The following BRSK2 variants were observed in gnomAD, a reference collection of about 807,000 sequenced individuals.
BRSK2 encodes BR serine/threonine kinase 2, also known as serine/threonine-protein kinase BRSK2.
In BRSK2, 19 loss-of-function variants were observed where a neutral mutation model predicts 83.3. The ratio of observed to expected loss-of-function variants is 0.23; its 90% CI spans 0.16 to 0.33. The LOEUF (loss-of-function observed/expected upper bound fraction) is 0.33, where lower values mean the gene tolerates loss of function less well. BRSK2 is among the 10% of genes least tolerant of loss of function. BRSK2 has a pLI of 1.00. For missense variants in BRSK2, 798 were observed against 1,042.3 expected (o/e 0.77, Z 3.23); for synonymous variants, 519 against 435.4 (o/e 1.19, Z -2.39).
At chr11:1,449,650 G>GT in intron 12 of BRSK2, 126 bp from the exon 13 acceptor site, 1 of 746,544 alleles carries the variant, frequency 1.3e-6, no homozygotes, top group South Asian at 1.9e-5. Context: ...GCAGGACCCA[G>GT]GGCCTCGAGG....
Position 1,438,459 on chromosome 11 carries a change from C to T in BRSK2, c.272+68C>T, listed in dbSNP as rs1850637250. ...CAGCTGTCGCTGCAGGGGTGGGTGT[C>T]TGGGGCTTGGGGAGCACAGGGGCTG... On this transcript the variant is annotated intron_variant, in intron 3 of 19. Coordinates refer to ENST00000528841, the MANE Select transcript of BRSK2 (RefSeq NM_001256627.2). The surrounding 1 kb of genome is among the most constrained non-coding windows in gnomAD (Gnocchi z 6.4). 2.7e-6 allele frequency: 4 copies of T among 1,467,738 alleles called. No homozygotes were observed. The highest frequency in any genetic ancestry group is 1.4e-5 in the African/African-American group (1 of 71,898). The allele number at this position is 1,467,738 out of a possible 1,614,324, so 90.9% of individuals were successfully genotyped here. A position where few individuals can be genotyped will look rare whatever the true frequency, so the allele number is the denominator to read the frequency against.
rs933564534 is a variant in BRSK2, at chr11:1,389,995, G to A, written c.-290G>A. 1 of 147,166 alleles carries A rather than the reference G, an allele frequency of 6.8e-6. No individual in the cohort carries two copies. The highest frequency in any genetic ancestry group is 2.5e-5 in the African/African-American group (1 of 40,734). The allele number at this position is 147,166 out of a possible 1,614,324, so 9.1% of individuals were successfully genotyped here. On this transcript the variant is annotated 5_prime_UTR_variant, in exon 1 of 20. Transcript: ENST00000528841. This position sits in a 1 kb window ranked among gnomAD's most constrained non-coding sequence, Gnocchi z 4.1. ...GCTGGGGGCGCGGGGCGCGGGGCGCGGGCCTCGGCGGCGGCGGCGGCGGCG... is the reference window on the plus strand; with the variant it reads ...GCTGGGGGCGCGGGGCGCGGGGCGCAGGCCTCGGCGGCGGCGGCGGCGGCG...
At chr11:1,426,507 T>G (rs1849244426) in intron 1 of BRSK2, among the ~76,000 whole-genome samples, 1 of 152,038 alleles carries the variant, frequency 6.6e-6, no homozygotes, top group South Asian at 2.1e-4. Flanking sequence ...CAAATCTCGG[T>G]CTCGAGCCTG....
chr11:1,445,427 A>G lies in BRSK2; in HGVS notation c.946A>G (p.Asn316Asp), dbSNP rs1851895898. ...MHSLGCFRDRNKLLQDLLSEE... is the reference protein window; with the variant it reads ...MHSLGCFRDRDKLLQDLLSEE... ...CTCACTGGGCTGCTTCCGAGACCGC[A>G]ACAAGCTGCTGCAGGACCTGCTGTC... The change falls in exon 10 of 20, where the codon AAC becomes GAC. Residue 316 changes from asparagine (N) to aspartate (D), a missense_variant. Physicochemically the swap from Asn to Asp is conservative, Grantham distance 23. Coordinates refer to ENST00000528841, the MANE Select transcript of BRSK2 (RefSeq NM_001256627.2). 6.2e-7 allele frequency: 1 copy of G among 1,611,842 alleles called. No individual in the cohort carries two copies. The highest frequency in any genetic ancestry group is 1.1e-5 in the South Asian group (1 of 91,000).
At chr11:1,395,648 C>T (rs561220784) in intron 1 of BRSK2, among the ~76,000 whole-genome samples, 48 of 152,314 alleles carry the variant, frequency 3.2e-4, no homozygotes, top group Middle Eastern at 6.8e-3. Context: ...TCCCTGTTGA[C>T]GTGGGTCTCC....
rs1388446520 is a variant in BRSK2 at position 1,445,857 on chromosome 11, C to G, written c.1176C>G (p.Gly392=). The change falls in exon 12 of 20, where the codon GGC becomes GGG. Residue 392 remains glycine, a synonymous_variant. Transcript: ENST00000528841. Reference sequence around the variant, plus strand: ...AGGTGCTCAGCGTGACGGACGGCGGCTCCCCGGTGCCTGCGCGGCGGGCCA... The same window carrying G: ...AGGTGCTCAGCGTGACGGACGGCGGGTCCCCGGTGCCTGCGCGGCGGGCCA... The part of the protein sequence containing the change: ...SMEVLSVTDG[G]SPVPARRAIE... 1 of 1,612,088 alleles carries G rather than the reference C, an allele frequency of 6.2e-7. No homozygotes were observed. Among genetic ancestry groups the G allele is most frequent in the Non-Finnish European group, 8.5e-7 (1 of 1,179,618 alleles).
intron 1 of BRSK2, among the ~76,000 whole-genome samples, chr11:1,429,137 T>C (rs1167946502): frequency 2.1e-5 from 3 of 141,248 alleles, no homozygotes; most frequent in African/African-American, 8.1e-5. Flanking sequence ...TGGGTGTGTG[T>C]GCACGTGTGC....
At chr11:1,413,398 C>T (rs1847766349) in intron 1 of BRSK2, among the ~76,000 whole-genome samples, 1 of 152,170 alleles carries the variant, frequency 6.6e-6, no homozygotes. Context: ...GAGACTCATC[C>T]TTCTTGGAGG....
chr11:1,447,723 C>A, intron 12 of BRSK2: 1 of 1,412,756 alleles, frequency 7.1e-7, no homozygotes, highest in Non-Finnish European at 9.7e-7. Flanking sequence ...CCCGGTGTGG[C>A]CCGGGCCCTG....
intron 12 of BRSK2, among the ~76,000 whole-genome samples, chr11:1,448,835 G>A (rs1200526671): frequency 3.3e-5 from 5 of 152,236 alleles, no homozygotes; most frequent in African/African-American, 9.6e-5. Flanking sequence ...CCGGGTGTCC[G>A]GGAGCCAGGT....
intron 1 of BRSK2, among the ~76,000 whole-genome samples, chr11:1,413,057 A>G (rs1433653249): frequency 6.6e-6 from 1 of 152,140 alleles, no homozygotes; most frequent in Non-Finnish European, 1.5e-5. Context: ...GCCTGCGTTC[A>G]GAACCCGCAT....
intron 12 of BRSK2, among the ~76,000 whole-genome samples, chr11:1,448,945 T>C (rs7110854): frequency 0.83 from 126,035 of 152,280 alleles, 53,057 homozygotes; most frequent in African/African-American, 0.96. Context: ...GCCTGGTGGG[T>C]AGTGCAGGCC....
chr11:1,392,395 C>T (rs1845783302), intron 1 of BRSK2, among the ~76,000 whole-genome samples: 1 of 152,220 alleles, frequency 6.6e-6, no homozygotes, highest in South Asian at 2.1e-4. Flanking sequence ...CTTGGGGGGC[C>T]ATTGGTGTGG....
At chr11:1,406,196 C>T (rs761846114) in intron 1 of BRSK2, among the ~76,000 whole-genome samples, 10 of 152,226 alleles carry the variant, frequency 6.6e-5, no homozygotes, top group South Asian at 2.1e-4. Flanking sequence ...CTGGGCCGGG[C>T]GCAGTGGCTC....
intron 15 of BRSK2, among the ~76,000 whole-genome samples, chr11:1,452,667 C>T (rs1468489861): frequency 1.3e-5 from 2 of 151,836 alleles, no homozygotes. Flanking sequence ...ATGCCTCCTA[C>T]AGCTCCACCC....
At chr11:1,449,101 G>T (rs551107889) in intron 12 of BRSK2, among the ~76,000 whole-genome samples, 1 of 152,354 alleles carries the variant, frequency 6.6e-6, no homozygotes, top group African/African-American at 2.4e-5. Context: ...ACGCACAGCC[G>T]TCCTGGTCCC....
intron 1 of BRSK2, among the ~76,000 whole-genome samples, chr11:1,399,626 C>A (rs1216332354): frequency 6.6e-6 from 1 of 152,204 alleles, no homozygotes; most frequent in Non-Finnish European, 1.5e-5. Flanking sequence ...CCCCAGGGCT[C>A]TGGGCTGGTG....
At chr11:1,427,201 G>A (rs1849335748) in intron 1 of BRSK2, among the ~76,000 whole-genome samples, 1 of 152,084 alleles carries the variant, frequency 6.6e-6, no homozygotes, top group Non-Finnish European at 1.5e-5. Context: ...AGCCCTCACT[G>A]CCCCTCCAGA....
chr11:1,392,478 C>A (rs1019767294), intron 1 of BRSK2, among the ~76,000 whole-genome samples: 70 of 152,302 alleles, frequency 4.6e-4, no homozygotes, highest in African/African-American at 1.7e-3. Context: ...TCTCTCTCAG[C>A]CTGAGACCTT....
Sources: gnomAD v4.1 joint callset for allele counts (sites outside exome capture counted in the v4.1 genomes callset) on GRCh38, gnomAD v4.1.1 for gene constraint, Gnocchi (gnomAD v3.1) non-coding constraint, MANE v1.5 for transcripts, NCBI Gene and HGNC (gene_info 2026-07-23, HGNC 2026-07-21) for gene names.